The following PLLP variants were observed in gnomAD, a reference collection of about 807,000 sequenced individuals.
The protein encoded by PLLP is plasmolipin, also known as plasma membrane proteolipid (plasmolipin).
Under a neutral mutation model 19.7 loss-of-function variants are expected in PLLP, and 15 were observed. That is an observed-to-expected ratio of 0.76 (90% CI 0.51 to 1.17). PLLP has a LOEUF of 1.17. PLLP is among the 50% of genes most tolerant of loss of function. The pLI is 0.00. For missense variants in PLLP, 255 were observed against 258.3 expected (o/e 0.99, Z 0.09); for synonymous variants, 111 against 116.3 (o/e 0.95, Z 0.29).
chr16:57,271,058 GA>G (rs574234393), intron 1 of PLLP, among the ~76,000 whole-genome samples: 2 of 152,292 alleles, frequency 1.3e-5, no homozygotes, highest in South Asian at 4.1e-4. Flanking sequence ...GCTATGGCAG[GA>G]GGACGATGCT....
intron 2 of PLLP, among the ~76,000 whole-genome samples, chr16:57,260,016 G>C (rs1231443271): frequency 6.6e-6 from 1 of 150,606 alleles, no homozygotes; most frequent in Non-Finnish European, 1.5e-5. Flanking sequence ...AAAAGATTTC[G>C]CTCCAAAGGG....
chr16:57,284,487 G>A lies in PLLP; in HGVS notation c.54C>T (p.Gly18=). 1 of 1,441,032 alleles carries A rather than the reference G, an allele frequency of 6.9e-7. No homozygotes were observed. The highest frequency in any genetic ancestry group is 9.2e-7 in the Non-Finnish European group (1 of 1,091,822). The allele number at this position is 1,441,032 out of a possible 1,614,324, so 89.3% of individuals were successfully genotyped here. A position where few individuals can be genotyped will look rare whatever the true frequency, so the allele number is the denominator to read the frequency against. The part of the protein sequence containing the change: ...VSTRTSSPAQ[G]AEASVSALRP... ...GCAGCGCCGACACCGAGGCTTCGGC[G>A]CCCTGCGCAGGACTGCTGGTCCGCG... The change falls in exon 1 of 4, where the codon GGC becomes GGT. Residue 18 remains glycine (G), a synonymous_variant. Transcript: ENST00000219207.
intron 1 of PLLP, among the ~76,000 whole-genome samples, chr16:57,280,183 G>A (rs1398405781): frequency 2.0e-5 from 3 of 152,106 alleles, no homozygotes; most frequent in East Asian, 1.9e-4. Context: ...TAAACAAGAT[G>A]AGGAAGCATA....
chr16:57,284,633 T>C lies in PLLP; in HGVS notation c.-93A>G. The C allele has an allele frequency of 8.4e-7, 1 of 1,194,984 alleles. No individual in the cohort carries two copies. Among genetic ancestry groups the C allele is most frequent in the Non-Finnish European group, 1.1e-6 (1 of 940,404 alleles). The allele number at this position is 1,194,984 out of a possible 1,614,324, so 74.0% of individuals were successfully genotyped here. On this transcript the variant is annotated 5_prime_UTR_variant, in exon 1 of 4. Transcript: ENST00000219207. ...CTCCCGCGCCGCTTTTCCCCCAGGC[T>C]CCGGATCCCTGTGTGGCTCCAGGCG...
chr16:57,274,219 G>C (rs1454081730), intron 1 of PLLP, among the ~76,000 whole-genome samples: 1 of 152,150 alleles, frequency 6.6e-6, no homozygotes. Flanking sequence ...CTAGGCTCAA[G>C]TGATCCTCCT....
intron 1 of PLLP, among the ~76,000 whole-genome samples, chr16:57,268,656 A>AT (rs1461156545): frequency 6.6e-6 from 1 of 151,994 alleles, no homozygotes; most frequent in Non-Finnish European, 1.5e-5. Context: ...ACTCCTAGCT[A>AT]TTTTTAATTT....
intron 3 of PLLP, among the ~76,000 whole-genome samples, chr16:57,257,290 G>A (rs1182759233): frequency 1.3e-5 from 2 of 152,200 alleles, no homozygotes; most frequent in Non-Finnish European, 2.9e-5. Context: ...GAGAAGATAA[G>A]AGTGACAGAG....
intron 1 of PLLP, among the ~76,000 whole-genome samples, chr16:57,264,180 A>T (rs2075450209): frequency 1.3e-5 from 2 of 151,576 alleles, no homozygotes; most frequent in East Asian, 3.9e-4. Context: ...TACAGAAGCC[A>T]GGGACAAGAC....
intron 1 of PLLP, among the ~76,000 whole-genome samples, chr16:57,271,771 G>A (rs146566072): frequency 9.2e-5 from 14 of 151,936 alleles, no homozygotes; most frequent in South Asian, 2.1e-4. Context: ...TCCACAGGCC[G>A]CCCCCAGGTG....
chr16:57,259,498 T>C (rs982299393), intron 2 of PLLP, among the ~76,000 whole-genome samples: 3 of 152,128 alleles, frequency 2.0e-5, no homozygotes, highest in Admixed American at 6.6e-5. Context: ...GAAGGGGCCC[T>C]CTGCTGACAA....
At chr16:57,261,346 C>G (rs1389992260) in intron 2 of PLLP, among the ~76,000 whole-genome samples, 1 of 152,064 alleles carries the variant, frequency 6.6e-6, no homozygotes, top group Admixed American at 6.6e-5. Context: ...TCTTACAAAT[C>G]CACTCAACAG....
intron 1 of PLLP, among the ~76,000 whole-genome samples, chr16:57,275,320 A>T (rs1220373747): frequency 6.6e-6 from 1 of 152,130 alleles, no homozygotes; most frequent in East Asian, 1.9e-4. Context: ...ATCATGCACC[A>T]TTGTACAGAT....
At chr16:57,268,888 G>A (rs149404134) in intron 1 of PLLP, among the ~76,000 whole-genome samples, 175 of 152,298 alleles carry the variant, frequency 1.1e-3, no homozygotes, top group Non-Finnish European at 1.9e-3. Flanking sequence ...CATTCGCCAC[G>A]GTGTGTGAGG....
intron 2 of PLLP, among the ~76,000 whole-genome samples, chr16:57,261,379 T>C (rs543116169): frequency 6.6e-6 from 1 of 152,198 alleles, no homozygotes; most frequent in South Asian, 2.1e-4. Flanking sequence ...ACTCCCCTCC[T>C]GGGACAAAGT....
chr16:57,257,674 A>G (rs1444217418), intron 3 of PLLP, among the ~76,000 whole-genome samples: 2 of 152,226 alleles, frequency 1.3e-5, no homozygotes, highest in East Asian at 3.8e-4. Context: ...GAAGGGTGAC[A>G]GGCGTGGAGG....
chr16:57,283,923 G>A lies in PLLP; in HGVS notation c.135+483C>T, dbSNP rs1266978318. Among the ~76,000 whole-genome samples the A allele has an allele frequency of 7.2e-5, 11 of 152,320 alleles. No homozygotes were observed. In the East Asian group the frequency reaches 2.1e-3, roughly 29 times the overall value. Reference sequence around the variant, plus strand: ...ATGGGTGCGGCCACCCGGAGCCGCTGGGAGCGGGACAGAAGGTGGTCAGAG... The same window carrying A: ...ATGGGTGCGGCCACCCGGAGCCGCTAGGAGCGGGACAGAAGGTGGTCAGAG... On this transcript the variant is annotated intron_variant, in intron 1 of 3. Coordinates refer to ENST00000219207, the MANE Select transcript of PLLP (RefSeq NM_015993.3).
At chr16:57,278,157 T>C (rs1025933848) in intron 1 of PLLP, among the ~76,000 whole-genome samples, 1 of 152,106 alleles carries the variant, frequency 6.6e-6, no homozygotes, top group Non-Finnish European at 1.5e-5. Context: ...CTGGCCAACA[T>C]GGTGAAGCCC....
chr16:57,256,837 T>C lies in PLLP; in HGVS notation c.*76A>G. On this transcript the variant is annotated 3_prime_UTR_variant, in exon 4 of 4. Transcript: ENST00000219207. ...CTGACTCCACGCAGGGCTCCCCAGCTTCAGGCTTGCAGGGTGACCCTGCTC... is the reference window on the plus strand; with the variant it reads ...CTGACTCCACGCAGGGCTCCCCAGCCTCAGGCTTGCAGGGTGACCCTGCTC... 1 of 985,180 alleles carries C rather than the reference T, an allele frequency of 1.0e-6. No individual in the cohort carries two copies. 61.0% of individuals were successfully genotyped at this position (985,180 alleles called of 1,614,324 possible).
At chr16:57,284,135 C>T (rs1347681027) in intron 1 of PLLP, among the ~76,000 whole-genome samples, 2 of 152,128 alleles carry the variant, frequency 1.3e-5, no homozygotes, top group Non-Finnish European at 2.9e-5. Flanking sequence ...CACGATGGGG[C>T]ACGGGCAGTG....
Sources: allele counts gnomAD v4.1 joint callset (sites outside exome capture counted in the v4.1 genomes callset), GRCh38; gene constraint gnomAD v4.1.1; transcripts MANE v1.5; gene names NCBI Gene and HGNC (gene_info 2026-07-23, HGNC 2026-07-21).